NKAIN3: variants seen among roughly 807,000 people sequenced by gnomAD.
The protein encoded by NKAIN3 is sodium/potassium transporting ATPase interacting 3.
In NKAIN3, 25 loss-of-function variants were observed where a neutral mutation model predicts 30.2. The ratio of observed to expected loss-of-function variants is 0.83; its 90% confidence interval spans 0.60 to 1.16. NKAIN3 has a LOEUF of 1.16. NKAIN3 is among the 50% of genes most tolerant of loss of function. The pLI is 0.00. For missense variants in NKAIN3, 225 were observed against 254.1 expected (o/e 0.89, Z 0.78); for synonymous variants, 91 against 89.6 (o/e 1.02, Z -0.09).
chr8:62,793,329 C>A (rs748167455), intron 4 of NKAIN3, among the ~76,000 whole-genome samples: 1 of 152,202 alleles, frequency 6.6e-6, no homozygotes, highest in Non-Finnish European at 1.5e-5. Context: ...CGTCAATTGA[C>A]ATTTTTTACT....
chr8:62,659,005 C>T (rs1812855838), intron 3 of NKAIN3, among the ~76,000 whole-genome samples: 1 of 152,100 alleles, frequency 6.6e-6, no homozygotes, highest in Admixed American at 6.6e-5. Context: ...AGAGGCATAT[C>T]CCATAATCCG....
At chr8:62,394,954 C>A (rs771406581) in intron 1 of NKAIN3, among the ~76,000 whole-genome samples, 1 of 150,260 alleles carries the variant, frequency 6.7e-6, no homozygotes, top group Non-Finnish European at 1.5e-5. Flanking sequence ...GGCAGCCAAG[C>A]AGAGGCGCTC....
intron 4 of NKAIN3, among the ~76,000 whole-genome samples, chr8:62,899,359 A>G (rs924510602): frequency 2.6e-5 from 4 of 152,230 alleles, no homozygotes; most frequent in Admixed American, 2.0e-4. Flanking sequence ...GAATGGATAA[A>G]GAAAATGTGG....
chr8:62,871,835 T>C (rs547288576), intron 4 of NKAIN3, among the ~76,000 whole-genome samples: 1 of 152,312 alleles, frequency 6.6e-6, no homozygotes, highest in African/African-American at 2.4e-5. Context: ...ATCTAGAATA[T>C]CTCAGCTATG....
At chr8:62,940,016 C>T (rs545320382) in intron 5 of NKAIN3, among the ~76,000 whole-genome samples, 166 of 152,082 alleles carry the variant, frequency 1.1e-3, no homozygotes, top group Middle Eastern at 6.8e-3. Context: ...TCAAGAAATT[C>T]GCCTAACACA....
Position 62,937,136 on chromosome 8 carries a change from A to G in NKAIN3, c.533-16766A>G, listed in dbSNP as rs532705908. 5.3e-5 allele frequency among the ~76,000 whole-genome samples: 8 copies of G among 152,280 alleles called. No individual in the cohort carries two copies. In the East Asian group the frequency reaches 1.5e-3, roughly 29 times the overall value. On this transcript the variant is annotated intron_variant, in intron 5 of 6. Transcript: ENST00000623646. ...CCAAAAACCCTTCACATAAAAAACT[A>G]TTCTTGACCACATTGCAAAGAAAAT...
intron 1 of NKAIN3, among the ~76,000 whole-genome samples, chr8:62,317,257 G>T (rs530871933): frequency 1.3e-5 from 2 of 152,062 alleles, no homozygotes; most frequent in African/African-American, 4.8e-5. Context: ...TTCTTTTGCC[G>T]TGCAGAAGCT....
chr8:62,839,050 A>G (rs1819452705), intron 4 of NKAIN3, among the ~76,000 whole-genome samples: 1 of 152,022 alleles, frequency 6.6e-6, no homozygotes, highest in African/African-American at 2.4e-5. Context: ...CCCTTCGTAC[A>G]CACACCCAAT....
At chr8:62,864,081 T>C in intron 4 of NKAIN3, 1 of 659,428 alleles carries the variant, frequency 1.5e-6, no homozygotes, top group South Asian at 1.7e-5. Flanking sequence ...TGGAGCTCAT[T>C]CCGACGCGGC....
At chr8:62,857,082 C>T (rs1336207258) in intron 4 of NKAIN3, 18 of 454,566 alleles carry the variant, frequency 4.0e-5, no homozygotes, top group Non-Finnish European at 7.8e-5. Flanking sequence ...CCCACCTTTA[C>T]ATGTTGGCTA....
At chr8:62,818,002 T>C (rs1480292008) in intron 4 of NKAIN3, among the ~76,000 whole-genome samples, 1 of 152,162 alleles carries the variant, frequency 6.6e-6, no homozygotes, top group African/African-American at 2.4e-5. Flanking sequence ...AAGAAGTATA[T>C]TAGAATGTGA....
chr8:62,496,531 A>G (rs1413513035), intron 1 of NKAIN3, among the ~76,000 whole-genome samples: 4 of 152,174 alleles, frequency 2.6e-5, no homozygotes, highest in Non-Finnish European at 5.9e-5. Flanking sequence ...GATTCTGGTT[A>G]ACACATAAAA....
At chr8:62,713,020 C>T (rs988547155) in intron 3 of NKAIN3, among the ~76,000 whole-genome samples, 6 of 152,180 alleles carry the variant, frequency 3.9e-5, no homozygotes, top group African/African-American at 9.7e-5. Context: ...AGTGTGTGTT[C>T]GGTAGAGGAG....
chr8:62,303,984 C>G (rs1294039175), intron 1 of NKAIN3, among the ~76,000 whole-genome samples: 1 of 150,448 alleles, frequency 6.6e-6, no homozygotes, highest in Non-Finnish European at 1.5e-5. Context: ...AAAGAAGTTG[C>G]CAGGAGCAGG....
At chr8:62,994,449 C>A (rs534574391) in intron 5 of NKAIN3, among the ~76,000 whole-genome samples, 1 of 152,228 alleles carries the variant, frequency 6.6e-6, no homozygotes, top group East Asian at 1.9e-4. Context: ...TAAAAGAAAT[C>A]AGTTGCACTG....
chr8:62,615,129 C>G (rs1432099439), intron 3 of NKAIN3, among the ~76,000 whole-genome samples: 1 of 151,292 alleles, frequency 6.6e-6, no homozygotes, highest in African/African-American at 2.4e-5. Context: ...AGCCAGCAAG[C>G]CTCAGAGGCT....
chr8:62,668,054 C>T (rs1309760089), intron 3 of NKAIN3, among the ~76,000 whole-genome samples: 1 of 152,030 alleles, frequency 6.6e-6, no homozygotes, highest in African/African-American at 2.4e-5. Flanking sequence ...AGAAGATGCC[C>T]TTGAACACCC....
At chr8:62,944,714 C>T (rs528346805) in intron 5 of NKAIN3, among the ~76,000 whole-genome samples, 2 of 152,156 alleles carry the variant, frequency 1.3e-5, no homozygotes, top group East Asian at 3.9e-4. Context: ...CAATTATTGG[C>T]CATCAACATG....
chr8:62,377,463 A>G (rs1303745783), intron 1 of NKAIN3, among the ~76,000 whole-genome samples: 1 of 152,186 alleles, frequency 6.6e-6, no homozygotes, highest in African/African-American at 2.4e-5. Flanking sequence ...CAAGTATATG[A>G]ATAGCATTAA....
Sources: gnomAD v4.1 joint callset for allele counts (sites outside exome capture counted in the v4.1 genomes callset) on GRCh38, gnomAD v4.1.1 for gene constraint, MANE v1.5 for transcripts, NCBI Gene and HGNC (gene_info 2026-07-23, HGNC 2026-07-21) for gene names.